Variants in YTHDF2 observed in about 807,000 individuals in gnomAD.
YTHDF2 encodes YTH domain-containing family protein 2.
A neutral mutation model predicts 50.4 loss-of-function variants in YTHDF2; 2 were observed. The observed-to-expected ratio is 0.04, with a 90% CI of 0.02 to 0.12. YTHDF2 has a LOEUF of 0.12. Ranked by LOEUF, YTHDF2 falls within the 10% of genes least tolerant of loss-of-function variation. The pLI is 1.00. For missense variants in YTHDF2, 483 were observed against 722.6 expected (o/e 0.67, Z 3.80); for synonymous variants, 217 against 255.6 (o/e 0.85, Z 1.44).
At chr1:28,760,317 C>T (rs1381303816) in intron 4 of YTHDF2, among the ~76,000 whole-genome samples, 4 of 133,350 alleles carry the variant, frequency 3.0e-5, no homozygotes, top group South Asian at 2.4e-4. Context: ...GTGTGTGTGA[C>T]GGAGTCTTGC....
At chr1:28,749,317 G>A (rs2087913463) in intron 4 of YTHDF2, among the ~76,000 whole-genome samples, 1 of 150,914 alleles carries the variant, frequency 6.6e-6, no homozygotes, top group Admixed American at 6.6e-5. Flanking sequence ...TCAGCCTCTC[G>A]CGTAGCTGGG....
chr1:28,747,230 A>T (rs2087877837), intron 4 of YTHDF2, among the ~76,000 whole-genome samples: 1 of 152,126 alleles, frequency 6.6e-6, no homozygotes, highest in South Asian at 2.1e-4. Flanking sequence ...GAATGAGTGC[A>T]ATAGTAAACA....
At chr1:28,763,721 C>G (rs1392762162) in intron 4 of YTHDF2, among the ~76,000 whole-genome samples, 2 of 149,932 alleles carry the variant, frequency 1.3e-5, no homozygotes, top group South Asian at 2.1e-4. Flanking sequence ...TCCCAAAGTG[C>G]TGGGATCACA....
chr1:28,738,778 C>G (rs1403344877), intron 3 of YTHDF2, among the ~76,000 whole-genome samples: 1 of 152,166 alleles, frequency 6.6e-6, no homozygotes, highest in Non-Finnish European at 1.5e-5. Context: ...TTTCTCTGCC[C>G]TCTATCAGGA....
intron 4 of YTHDF2, among the ~76,000 whole-genome samples, chr1:28,752,169 AATTACCATCGT>A (rs2124186363): frequency 6.6e-6 from 1 of 152,326 alleles, no homozygotes; most frequent in Non-Finnish European, 1.5e-5. Context: ...ATTACATTAT[AATTACCATCGT>A]ATTAGGTAAT....
chr1:28,744,277 A>G (rs1419546986), intron 4 of YTHDF2, among the ~76,000 whole-genome samples: 3 of 133,046 alleles, frequency 2.3e-5, no homozygotes, highest in Non-Finnish European at 5.4e-5. Flanking sequence ...AATGAGTCAA[A>G]GAGATGCAGA....
In YTHDF2 at chr1:28,737,697, G is replaced by T. The variant is rs754799601; in HGVS notation, c.52+15G>T. The T allele has an allele frequency of 4.6e-5, 75 of 1,613,414 alleles. No individual in the cohort carries two copies. The highest frequency in any genetic ancestry group is 6.1e-5 in the Non-Finnish European group (72 of 1,179,826). On this transcript the variant is annotated intron_variant, in intron 2 of 4. Transcript: ENST00000373812. ...AGGAAACAAAGGTAAGTCCCGCTCC[G>T]CCGGTGGCCCTGAGCCGGGAGGGGG... is the stretch of plus-strand genomic sequence containing the variant.
rs779714020 is a variant in YTHDF2 at position 28,742,992 on chromosome 1, A to C, written c.722A>C (p.Asp241Ala). Reference sequence around the variant, plus strand: ...CCTCCAAAACCAGCATCTTGGGCTGATATTGCTAGCAAGCCTGCAAAACAG... The same window carrying C: ...CCTCCAAAACCAGCATCTTGGGCTGCTATTGCTAGCAAGCCTGCAAAACAG... The part of the protein sequence containing the change: ...IAPPKPASWA[D>A]IASKPAKQQP... Residue 241 changes from aspartate to alanine, a missense_variant, in exon 4 of 5, where the codon GAT becomes GCT. By Grantham distance (126) the Asp-to-Ala change is moderately radical. This residue lies in a region of YTHDF2 where 385 missense variants were observed against 475.8 expected (regional missense o/e 0.81). Coordinates refer to ENST00000373812, the MANE Select transcript of YTHDF2 (RefSeq NM_016258.3). The C allele has an allele frequency of 6.2e-7, 1 of 1,614,192 alleles. No individual in the cohort carries two copies. The highest frequency in any genetic ancestry group is 2.2e-5 in the East Asian group (1 of 44,890).
chr1:28,745,618 G>T (rs1473803487), intron 4 of YTHDF2, among the ~76,000 whole-genome samples: 16 of 151,772 alleles, frequency 1.1e-4, no homozygotes, highest in Admixed American at 1.1e-3. Flanking sequence ...TCAGCTACTT[G>T]GGAGGCTGAG....
chr1:28,756,244 G>T (rs896226813), intron 4 of YTHDF2, among the ~76,000 whole-genome samples: 2 of 152,184 alleles, frequency 1.3e-5, no homozygotes, highest in African/African-American at 4.8e-5. Flanking sequence ...TGAATATGAA[G>T]AATGGCAGCA....
rs780020441 is a variant in YTHDF2 at position 28,737,694 on chromosome 1, T to C, written c.52+12T>C. 1 of 1,609,346 alleles carries C rather than the reference T, an allele frequency of 6.2e-7. No individual in the cohort carries two copies. On this transcript the variant is annotated intron_variant, in intron 2 of 4. Coordinates refer to ENST00000373812, the MANE Select transcript of YTHDF2 (RefSeq NM_016258.3). ...TCAAGGAAACAAAGGTAAGTCCCGC[T>C]CCGCCGGTGGCCCTGAGCCGGGAGG... is the stretch of plus-strand genomic sequence containing the variant.
intron 4 of YTHDF2, among the ~76,000 whole-genome samples, chr1:28,759,942 C>T (rs368355893): frequency 2.6e-5 from 4 of 152,162 alleles, no homozygotes; most frequent in South Asian, 2.1e-4. Context: ...GGCAACAGAG[C>T]GAGACTCTTG....
In YTHDF2 at chr1:28,769,156, C is replaced by T. The variant is rs1243991243; in HGVS notation, c.*204C>T. 2.5e-6 allele frequency: 1 copy of T among 404,260 alleles called. No homozygotes were observed. The highest frequency in any genetic ancestry group is 2.1e-5 in the African/African-American group (1 of 48,232). 25.0% of individuals were successfully genotyped at this position (404,260 alleles called of 1,614,324 possible). A position where few individuals can be genotyped will look rare whatever the true frequency, so the allele number is the denominator to read the frequency against. On this transcript the variant is annotated 3_prime_UTR_variant, in exon 5 of 5. Transcript: ENST00000373812. ...AAAAAAAGAAAAAGAAAAAACTAAA[C>T]AAAAAATCCCTCTAGGTAGTTTAGG... is the stretch of plus-strand genomic sequence containing the variant.
chr1:28,747,905 C>T (rs1055777811), intron 4 of YTHDF2, among the ~76,000 whole-genome samples: 3 of 151,130 alleles, frequency 2.0e-5, no homozygotes, highest in Admixed American at 6.6e-5. Context: ...GCGGGCAGAT[C>T]ACAAGGTCAG....
At chr1:28,749,179 CTTTTTT>C (rs60729215) in intron 4 of YTHDF2, among the ~76,000 whole-genome samples, 16 of 107,422 alleles carry the variant, frequency 1.5e-4, no homozygotes, top group East Asian at 2.9e-4. Context: ...TTCTTTCTTC[CTTTTTT>C]TTTTTTTTTT....
chr1:28,754,698 G>T (rs930865877), intron 4 of YTHDF2, among the ~76,000 whole-genome samples: 4 of 151,978 alleles, frequency 2.6e-5, no homozygotes, highest in Non-Finnish European at 5.9e-5. Flanking sequence ...CCTGTATTCA[G>T]GGGGCTGGGG....
chr1:28,738,636 G>A (rs1227331473), intron 3 of YTHDF2, among the ~76,000 whole-genome samples: 1 of 152,124 alleles, frequency 6.6e-6, no homozygotes, highest in Non-Finnish European at 1.5e-5. Context: ...TAGTAGAGAC[G>A]GGGTTTCATG....
intron 4 of YTHDF2, among the ~76,000 whole-genome samples, chr1:28,763,156 A>C (rs1336531413): frequency 6.6e-6 from 1 of 152,146 alleles, no homozygotes; most frequent in Admixed American, 6.5e-5. Context: ...CATAGATTTA[A>C]AGTGAGGAGG....
At chr1:28,736,877 T>A, upstream of YTHDF2, 1 of 429,426 alleles carries the variant, frequency 2.3e-6, no homozygotes, top group Non-Finnish European at 4.2e-6. Context: ...GGCGCTCTGC[T>A]TTAGGCGGTG....
Sources: gnomAD v4.1 joint callset for allele counts (sites outside exome capture counted in the v4.1 genomes callset) on GRCh38, gnomAD v4.1.1 for gene constraint, gnomAD v4.1.1 regional missense constraint, MANE v1.5 for transcripts, NCBI Gene and HGNC (gene_info 2026-07-23, HGNC 2026-07-21) for gene names.